TTC6: variants seen among roughly 807,000 people sequenced by gnomAD.
The protein encoded by TTC6 is tetratricopeptide repeat protein 6.
Under a neutral mutation model 210.4 loss-of-function variants are expected in TTC6, and 172 were observed. That is an observed-to-expected ratio of 0.82 (90% confidence interval 0.72 to 0.93). The LOEUF (loss-of-function observed/expected upper bound fraction) is 0.93, where lower values mean the gene tolerates loss of function less well. Among genes scored for constraint, TTC6 ranks in the 40% least tolerant of loss-of-function variants. The probability of loss-of-function intolerance (pLI) is 0.00; values close to 1 mark genes in which losing one functional copy is unlikely to be tolerated. For missense variants in TTC6, 2,414 were observed against 2,318.1 expected, an observed-to-expected ratio of 1.04 and a Z score of -0.85; for synonymous variants, 804 against 819.6, an observed-to-expected ratio of 0.98 and a Z score of 0.32.
chr14:37,721,574 A>G (rs1290851836), intron 6 of TTC6, among the ~76,000 whole-genome samples: 1 of 151,876 alleles, frequency 6.6e-6, no homozygotes, highest in Non-Finnish European at 1.5e-5. Flanking sequence ...CCATATACCC[A>G]ACTCTCAATA....
intron 10 of TTC6, among the ~76,000 whole-genome samples, chr14:37,747,078 T>A (rs111344787): frequency 0.041 from 6,197 of 152,262 alleles, 270 homozygotes; most frequent in African/African-American, 0.11. Flanking sequence ...ATAATAATTA[T>A]TGTTGTCCTA....
At chr14:37,608,873 G>C (rs968943940) in intron 2 of TTC6, among the ~76,000 whole-genome samples, 8 of 152,042 alleles carry the variant, frequency 5.3e-5, no homozygotes, top group Admixed American at 2.0e-4. Flanking sequence ...TTTGAAGCTG[G>C]GTAGCAAGAG....
chr14:37,607,158 A>C (rs967903468), intron 2 of TTC6, among the ~76,000 whole-genome samples: 9 of 152,212 alleles, frequency 5.9e-5, no homozygotes, highest in African/African-American at 2.2e-4. Flanking sequence ...TGGAGGTGTA[A>C]AGTGTAAATG....
At chr14:37,612,104 A>G (rs1166576424) in intron 2 of TTC6, among the ~76,000 whole-genome samples, 1 of 152,230 alleles carries the variant, frequency 6.6e-6, no homozygotes, top group African/African-American at 2.4e-5. Flanking sequence ...ACAGTTGTAC[A>G]ATGTACAAGG....
chr14:37,662,434 GTT>G (rs1217053819), intron 1 of TTC6, among the ~76,000 whole-genome samples: 1 of 152,164 alleles, frequency 6.6e-6, no homozygotes, highest in Non-Finnish European at 1.5e-5. Flanking sequence ...CTTTAGATCT[GTT>G]TATATGATGA....
chr14:37,649,590 C>G lies in TTC6; in HGVS notation c.939+26587C>G, dbSNP rs545405393. Among the ~76,000 whole-genome samples the G allele has an allele frequency of 1.2e-4, 19 of 152,240 alleles. No homozygotes were observed. In the South Asian group the frequency reaches 1.7e-3, roughly 13 times the overall value. On this transcript the variant is annotated intron_variant, in intron 1 of 30. Transcript: ENST00000553443. The stretch of plus-strand genomic sequence containing the variant: ...CCTGGTTCCCAGGATTTTTGAAGCC[C>G]GAAAGCCGGAAAGAGGCTCTTGTCT...
intron 17 of TTC6, among the ~76,000 whole-genome samples, chr14:37,793,654 G>T (rs2096085673): frequency 6.6e-6 from 1 of 152,198 alleles, no homozygotes; most frequent in Non-Finnish European, 1.5e-5. Flanking sequence ...GTTGATGAAG[G>T]TAAGACCATC....
At chr14:37,645,188 T>C (rs1473574099) in intron 1 of TTC6, among the ~76,000 whole-genome samples, 4 of 152,196 alleles carry the variant, frequency 2.6e-5, no homozygotes, top group Admixed American at 1.3e-4. Context: ...CCAAAACTTT[T>C]CAGCTGTGGA....
chr14:37,625,591 G>A (rs994840807), intron 1 of TTC6, among the ~76,000 whole-genome samples: 4 of 151,404 alleles, frequency 2.6e-5, no homozygotes, highest in African/African-American at 7.3e-5. Context: ...TATAAAAGTC[G>A]TGTCCAAATT....
chr14:37,663,499 A>G (rs961476753), intron 1 of TTC6, among the ~76,000 whole-genome samples: 1 of 152,156 alleles, frequency 6.6e-6, no homozygotes, highest in East Asian at 1.9e-4. Flanking sequence ...TTTTTTAAAC[A>G]TTATTTATTA....
chr14:37,689,409 G>A (rs2095799597), intron 3 of TTC6, among the ~76,000 whole-genome samples: 1 of 151,954 alleles, frequency 6.6e-6, no homozygotes, highest in African/African-American at 2.4e-5. Context: ...TTACTCAAAG[G>A]GATAATAGCA....
At chr14:37,785,272 A>G (rs1005630314) in intron 14 of TTC6, among the ~76,000 whole-genome samples, 7 of 152,262 alleles carry the variant, frequency 4.6e-5, no homozygotes, top group African/African-American at 1.7e-4. Flanking sequence ...TCAGACATAG[A>G]TTTGGTCTTT....
rs1450027558 is a variant in TTC6, at chr14:37,598,536, A to G, written c.-235+2528A>G. ...CTGAGCGGCACTCGGTCCTTTGACCACGCTTGGCTGCCTCAGCTTACACTT... is the reference window on the plus strand; with the variant it reads ...CTGAGCGGCACTCGGTCCTTTGACCGCGCTTGGCTGCCTCAGCTTACACTT... On this transcript the variant is annotated intron_variant, in intron 1 of 2. Transcript: ENST00000556845. The surrounding 1 kb of genome is among the most constrained non-coding windows in gnomAD (Gnocchi z 4.9). 6.6e-6 allele frequency among the ~76,000 whole-genome samples: 1 copy of G among 152,202 alleles called. No individual in the cohort carries two copies. Among genetic ancestry groups the G allele is most frequent in the East Asian group, 1.9e-4 (1 of 5,178 alleles).
At chr14:37,648,818 A>G (rs1289699163) in intron 1 of TTC6, among the ~76,000 whole-genome samples, 1 of 151,966 alleles carries the variant, frequency 6.6e-6, no homozygotes, top group Non-Finnish European at 1.5e-5. Context: ...CTTTTTATTC[A>G]TGTTTCCCCA....
rs187949720 is a variant in TTC6 at position 37,638,534 on chromosome 14, C to T, written c.939+15531C>T. ...CCTCCCAAAGTGCTGGGATTACAGG[C>T]GTGAACCACTGCCCCCGGCCTATAT... On this transcript the variant is annotated intron_variant, in intron 1 of 30. Transcript: ENST00000553443. Among the ~76,000 whole-genome samples, 878 of 149,010 alleles carry T rather than the reference C, an allele frequency of 5.9e-3. 7 individuals are homozygous for T. The highest frequency in any genetic ancestry group is 0.02 in the African/African-American group (820 of 40,620).
chr14:37,615,179 C>G (rs1053484591), intron 2 of TTC6, among the ~76,000 whole-genome samples: 2 of 152,202 alleles, frequency 1.3e-5, no homozygotes, highest in African/African-American at 4.8e-5. Flanking sequence ...TGTTGTTTCT[C>G]TCTGTCTGCT....
chr14:37,615,043 G>A (rs940101634), intron 2 of TTC6, among the ~76,000 whole-genome samples: 1 of 152,172 alleles, frequency 6.6e-6, no homozygotes, highest in Non-Finnish European at 1.5e-5. Context: ...CACTGCACCT[G>A]CTCTGGGTTG....
intron 1 of TTC6, among the ~76,000 whole-genome samples, chr14:37,659,824 G>A (rs897430642): frequency 5.3e-5 from 8 of 151,980 alleles, no homozygotes; most frequent in South Asian, 2.1e-4. Context: ...CTTGGCCTTC[G>A]TTGTGGTTTT....
At position 37,753,095 on chromosome 14, in the gene TTC6, A is replaced by G. The variant is rs759454992; in HGVS notation, c.3130-4A>G. On this transcript the variant is annotated splice_region_variant and splice_polypyrimidine_tract_variant and intron_variant, in intron 13 of 30. Coordinates refer to ENST00000553443, the Ensembl canonical transcript of TTC6. ...TGTTTATGTACCTCCCGCTGTCCCT[A>G]TAGTGTATTTTTTATGATCCCAAAA... The G allele has an allele frequency of 7.6e-5, 116 of 1,530,858 alleles. No individual in the cohort carries two copies. Among genetic ancestry groups the G allele is most frequent in the Non-Finnish European group, 9.6e-5 (110 of 1,143,008 alleles). The allele number at this position is 1,530,858 out of a possible 1,614,324, so 94.8% of individuals were successfully genotyped here.
Sources: gnomAD v4.1 joint callset for allele counts (sites outside exome capture counted in the v4.1 genomes callset) on GRCh38, gnomAD v4.1.1 for gene constraint, Gnocchi (gnomAD v3.1) non-coding constraint, MANE v1.5 for transcripts, NCBI Gene and HGNC (gene_info 2026-07-23, HGNC 2026-07-21) for gene names.